LNX1: variants seen among roughly 807,000 people sequenced by gnomAD.
LNX1 encodes the protein ligand of numb-protein X 1.
A neutral mutation model predicts 68.4 loss-of-function variants in LNX1; 54 were observed. The observed-to-expected ratio is 0.79, with a 90% CI of 0.63 to 0.99. The LOEUF is 0.99. Among genes scored for constraint, LNX1 ranks in the 50% least tolerant of loss-of-function variants. The pLI is 0.00. For missense variants in LNX1, 906 were observed against 926.4 expected (o/e 0.98, Z 0.29); for synonymous variants, 336 against 350.0 (o/e 0.96, Z 0.45).
chr4:53,471,621 C>T (rs1408511066), intron 9 of LNX1, among the ~76,000 whole-genome samples: 1 of 151,890 alleles, frequency 6.6e-6, no homozygotes, highest in East Asian at 1.9e-4. Context: ...CCAGAATCTA[C>T]AATGAACTCA....
intron 9 of LNX1, among the ~76,000 whole-genome samples, chr4:53,470,751 A>G (rs1723102329): frequency 6.6e-6 from 1 of 152,134 alleles, no homozygotes; most frequent in African/African-American, 2.4e-5. Flanking sequence ...TGCTTCAAAG[A>G]TAATAAAATA....
At chr4:53,542,946 C>T (rs1458742792) in intron 2 of LNX1, among the ~76,000 whole-genome samples, 2 of 152,174 alleles carry the variant, frequency 1.3e-5, no homozygotes, top group Non-Finnish European at 2.9e-5. Context: ...GTGGTTCTCA[C>T]TTGCTACTCA....
intron 7 of LNX1, among the ~76,000 whole-genome samples, chr4:53,478,983 T>C (rs1723744580): frequency 6.6e-6 from 1 of 152,164 alleles, no homozygotes; most frequent in Admixed American, 6.5e-5. Flanking sequence ...ATTCTACAGG[T>C]TAACTCAGAT....
In LNX1 at chr4:53,573,828, T is replaced by G. The variant is rs1359918319; in HGVS notation, c.175A>C (p.Thr59Pro). Reference protein sequence around the residue: ...LDPLDTPCGHTYCTLCLTNFL... With the variant: ...LDPLDTPCGHPYCTLCLTNFL... The stretch of plus-strand genomic sequence containing the variant: ...TTGGTGAGGCAGAGGGTGCAGTAGG[T>G]GTGTCCACACGGAGTGTCCAGGGGG... The change falls in exon 2 of 11, where the codon ACC (threonine) becomes CCC (proline). Residue 59 changes from threonine (T) to proline (P), a missense_variant. Physicochemically the swap from Thr to Pro is conservative, Grantham distance 38. Coordinates refer to ENST00000263925, the MANE Select transcript of LNX1 (RefSeq NM_001126328.3). 6.2e-7 allele frequency: 1 copy of G among 1,613,444 alleles called. No homozygotes were observed. The highest frequency in any genetic ancestry group is 1.1e-5 in the South Asian group (1 of 90,884).
intron 9 of LNX1, among the ~76,000 whole-genome samples, chr4:53,466,763 G>A (rs11723672): frequency 0.16 from 24,412 of 152,260 alleles, 2,496 homozygotes; most frequent in Admixed American, 0.26. Context: ...AAAGTGCAAG[G>A]TGGCAGCAAG....
rs142558891 is a variant in LNX1, at chr4:53,477,810, C to G, written c.1663+755G>C. Among the ~76,000 whole-genome samples the G allele has an allele frequency of 3.0e-3, 461 of 152,236 alleles. 3 individuals are homozygous for G. Among genetic ancestry groups the G allele is most frequent in the Middle Eastern group, 0.02 (6 of 294 alleles). On this transcript the variant is annotated intron_variant, in intron 8 of 10. Coordinates refer to ENST00000263925, the MANE Select transcript of LNX1 (RefSeq NM_001126328.3). ...GAGAAAAAAGAGAAAGGCCTTGAGT[C>G]CTTTCTGACCCGAAAGAAGCATCTT... is the stretch of plus-strand genomic sequence containing the variant.
chr4:53,554,760 G>A (rs1467558105), intron 2 of LNX1, among the ~76,000 whole-genome samples: 2 of 151,624 alleles, frequency 1.3e-5, no homozygotes, highest in African/African-American at 4.9e-5. Context: ...GCTGAGGCAG[G>A]AGAATCACTT....
At chr4:53,469,436 G>A (rs1579357140) in intron 9 of LNX1, among the ~76,000 whole-genome samples, 1 of 152,194 alleles carries the variant, frequency 6.6e-6, no homozygotes, top group East Asian at 1.9e-4. Context: ...AAGAACTAGA[G>A]AAGCAAGAGC....
intron 2 of LNX1, among the ~76,000 whole-genome samples, chr4:53,538,534 C>T (rs1359076249): frequency 6.6e-6 from 1 of 152,182 alleles, no homozygotes; most frequent in Non-Finnish European, 1.5e-5. Flanking sequence ...TCTTCAGGTA[C>T]AATTAATCTG....
At chr4:53,636,825 C>T (rs1734498200) in intron 1 of LNX1, among the ~76,000 whole-genome samples, 1 of 151,992 alleles carries the variant, frequency 6.6e-6, no homozygotes, top group South Asian at 2.1e-4. Flanking sequence ...CATATTCTCC[C>T]TTTACATCAA....
chr4:53,638,588 C>T (rs575795898), intron 1 of LNX1, among the ~76,000 whole-genome samples: 1 of 152,202 alleles, frequency 6.6e-6, no homozygotes, highest in South Asian at 2.1e-4. Flanking sequence ...CTTAGTGCCC[C>T]GTTTTTCCTC....
At chr4:53,545,018 A>G (rs9996659) in intron 2 of LNX1, among the ~76,000 whole-genome samples, 2,949 of 152,292 alleles carry the variant, frequency 0.019, 105 homozygotes, top group African/African-American at 0.068. Context: ...TGGTACCCAG[A>G]TGCTTTTTTC....
chr4:53,471,622 A>C (rs1723190341), intron 9 of LNX1, among the ~76,000 whole-genome samples: 1 of 152,204 alleles, frequency 6.6e-6, no homozygotes, highest in Admixed American at 6.5e-5. Flanking sequence ...CAGAATCTAC[A>C]ATGAACTCAA....
At chr4:53,546,700 C>T (rs1192955052) in intron 2 of LNX1, among the ~76,000 whole-genome samples, 1 of 152,150 alleles carries the variant, frequency 6.6e-6, no homozygotes, top group Non-Finnish European at 1.5e-5. Flanking sequence ...ACAGACACCA[C>T]CAGCCAAGCA....
At chr4:53,646,464 T>C (rs369759869) in intron 1 of LNX1, among the ~76,000 whole-genome samples, 16 of 152,226 alleles carry the variant, frequency 1.1e-4, no homozygotes, top group African/African-American at 3.9e-4. Flanking sequence ...TACTTATCTG[T>C]CTACTTGGTT....
intron 10 of LNX1, 46 bp downstream of exon 10, chr4:53,461,389 G>A (rs1722083442): frequency 6.8e-7 from 1 of 1,468,872 alleles, no homozygotes; most frequent in Non-Finnish European, 9.4e-7. Context: ...TGGCATTTAT[G>A]AAACAACATT....
intron 4 of LNX1, 146 bp downstream of exon 4, chr4:53,507,171 A>T: frequency 1.3e-6 from 1 of 772,930 alleles, no homozygotes; most frequent in Non-Finnish European, 2.0e-6. Context: ...CATACGTGAG[A>T]AGTAGGCTAA....
chr4:53,623,339 G>T (rs536731135), intron 1 of LNX1, among the ~76,000 whole-genome samples: 1 of 151,936 alleles, frequency 6.6e-6, no homozygotes, highest in East Asian at 1.9e-4. Flanking sequence ...AAGTAGCTGG[G>T]ACCCACCTCA....
chr4:53,473,539 A>G (rs1723374491), intron 9 of LNX1, among the ~76,000 whole-genome samples: 1 of 152,198 alleles, frequency 6.6e-6, no homozygotes, highest in Non-Finnish European at 1.5e-5. Context: ...TCCTTAGCAA[A>G]CTGACTCAGG....
Sources: allele counts gnomAD v4.1 joint callset (sites outside exome capture counted in the v4.1 genomes callset), GRCh38; gene constraint gnomAD v4.1.1; transcripts MANE v1.5; gene names NCBI Gene and HGNC (gene_info 2026-07-23, HGNC 2026-07-21).